The following ZFAT variants were observed in gnomAD, a reference collection of about 807,000 sequenced individuals.
ZFAT encodes zinc finger protein ZFAT.
A neutral mutation model predicts 117.7 loss-of-function variants in ZFAT; 64 were observed. The ratio of observed to expected loss-of-function variants is 0.54; its 90% CI spans 0.44 to 0.67. The LOEUF (loss-of-function observed/expected upper bound fraction) is 0.67. Among genes scored for constraint, ZFAT ranks in the 30% least tolerant of loss-of-function variants. ZFAT has a pLI of 0.00. For missense variants in ZFAT, 1,433 were observed against 1,584.5 expected (o/e 0.90, Z 1.62); for synonymous variants, 679 against 615.0 (o/e 1.10, Z -1.54).
chr8:134,593,631 G>T (rs1826688969), intron 7 of ZFAT, among the ~76,000 whole-genome samples: 1 of 152,244 alleles, frequency 6.6e-6, no homozygotes, highest in Non-Finnish European at 1.5e-5. Context: ...ATGGCCTGGG[G>T]TGCAGGGTCA....
the ZFAT span, among the ~76,000 whole-genome samples, chr8:134,778,592 C>A: frequency 6.6e-6 from 1 of 152,122 alleles, no homozygotes; most frequent in Non-Finnish European, 1.5e-5. Context: ...GCACATGTTC[C>A]AAAAAGAACA....
chr8:134,710,427 AC>A (rs1813950693), intron 1 of ZFAT, among the ~76,000 whole-genome samples: 1 of 152,206 alleles, frequency 6.6e-6, no homozygotes, highest in African/African-American at 2.4e-5. Context: ...TTGTTTCAAA[AC>A]CGCTTAGGTG....
rs554282795 is a variant in ZFAT at position 134,605,520 on chromosome 8, C to T, written c.786-2587G>A. ...CAGATCGCGCCACTGCACTCCAGCC[C>T]GGGAGACAGAGCCACAGAGCCAGAC... On this transcript the variant is annotated intron_variant, in intron 5 of 15. Transcript: ENST00000377838. Among the ~76,000 whole-genome samples the T allele has an allele frequency of 1.4e-4, 21 of 145,750 alleles. No homozygotes were observed. The South Asian group carries it at 4.3e-3, about 30-fold the overall frequency.
chr8:134,663,155 G>A, intron 1 of ZFAT, among the ~76,000 whole-genome samples: 1 of 152,198 alleles, frequency 6.6e-6, no homozygotes. Flanking sequence ...AACTGGGATT[G>A]TGCACTAAGA....
chr8:134,600,303 G>A, intron 7 of ZFAT, 133 bp downstream of exon 7: 1 of 843,270 alleles, frequency 1.2e-6, no homozygotes, highest in Non-Finnish European at 2.0e-6. Flanking sequence ...CACGTGCACA[G>A]CTGTGTAAGG....
intron 4 of ZFAT, among the ~76,000 whole-genome samples, chr8:134,609,328 A>G (rs1586810119): frequency 6.6e-6 from 1 of 152,192 alleles, no homozygotes; most frequent in East Asian, 1.9e-4. Flanking sequence ...GCTTAAAGAA[A>G]TATCAAAATA....
At chr8:134,578,605 C>A (rs976061097) in intron 10 of ZFAT, among the ~76,000 whole-genome samples, 1 of 151,968 alleles carries the variant, frequency 6.6e-6, no homozygotes, top group Non-Finnish European at 1.5e-5. Flanking sequence ...CCTTTGTTTC[C>A]ACAGGATCAC....
chr8:134,715,156 A>G (rs769915596), upstream of ZFAT, among the ~76,000 whole-genome samples: 18 of 152,300 alleles, frequency 1.2e-4, no homozygotes, highest in Admixed American at 2.6e-4. Flanking sequence ...TTGTTTATTG[A>G]TTAGCAGATG....
chr8:134,621,797 C>T (rs1168016996), intron 3 of ZFAT, among the ~76,000 whole-genome samples: 1 of 152,160 alleles, frequency 6.6e-6, no homozygotes, highest in African/African-American at 2.4e-5. Flanking sequence ...CTCTGAAGAG[C>T]CCTGGAAACA....
the ZFAT span, among the ~76,000 whole-genome samples, chr8:134,745,662 A>T: frequency 6.6e-6 from 1 of 152,242 alleles, no homozygotes; most frequent in Non-Finnish European, 1.5e-5. Flanking sequence ...CTTTTATCAG[A>T]TCATAAAAAG....
chr8:134,823,376 C>T, the ZFAT span, among the ~76,000 whole-genome samples: 1 of 152,136 alleles, frequency 6.6e-6, no homozygotes, highest in Non-Finnish European at 1.5e-5. Context: ...ATTTAAGAAG[C>T]CACTTCAAAT....
chr8:134,645,573 C>T (rs1175160883), intron 2 of ZFAT, among the ~76,000 whole-genome samples: 1 of 152,134 alleles, frequency 6.6e-6, no homozygotes, highest in East Asian at 1.9e-4. Flanking sequence ...TAAAAGTAGG[C>T]TCAATGATAA....
chr8:134,561,616 C>T (rs1387618285), intron 11 of ZFAT, among the ~76,000 whole-genome samples: 4 of 151,850 alleles, frequency 2.6e-5, no homozygotes, highest in African/African-American at 9.7e-5. Context: ...CAGGAATTTG[C>T]CCTTATTATA....
intron 1 of ZFAT, among the ~76,000 whole-genome samples, chr8:134,658,821 C>T (rs1026819553): frequency 6.6e-6 from 1 of 152,206 alleles, no homozygotes; most frequent in African/African-American, 2.4e-5. Context: ...ATTCCCAACT[C>T]GTCCCTAAAT....
intron 3 of ZFAT, among the ~76,000 whole-genome samples, chr8:134,632,302 G>A (rs1829942362): frequency 6.6e-6 from 1 of 152,120 alleles, no homozygotes; most frequent in Non-Finnish European, 1.5e-5. Context: ...TTTATTATAA[G>A]GAAATAGTAT....
chr8:134,800,421 C>G, the ZFAT span: 1 of 425,304 alleles, frequency 2.4e-6, no homozygotes, highest in Non-Finnish European at 4.7e-6. Flanking sequence ...AATGGTCTCA[C>G]ATTTCCAACA....
chr8:134,676,370 G>T (rs1394826021), intron 1 of ZFAT, among the ~76,000 whole-genome samples: 1 of 151,850 alleles, frequency 6.6e-6, no homozygotes, highest in African/African-American at 2.4e-5. Context: ...TAATGGTAAA[G>T]GGATCCATGC....
chr8:134,747,961 A>G, the ZFAT span, among the ~76,000 whole-genome samples: 1 of 152,268 alleles, frequency 6.6e-6, no homozygotes, highest in Non-Finnish European at 1.5e-5. Context: ...TATTTCTGAT[A>G]ATAAATGTGC....
the ZFAT span, among the ~76,000 whole-genome samples, chr8:134,754,122 G>A: frequency 6.6e-6 from 1 of 152,212 alleles, no homozygotes; most frequent in Non-Finnish European, 1.5e-5. Flanking sequence ...GAAAAAGGAA[G>A]AGGATTTAAA....
Sources: gnomAD v4.1 joint callset for allele counts (sites outside exome capture counted in the v4.1 genomes callset) on GRCh38, gnomAD v4.1.1 for gene constraint, MANE v1.5 for transcripts, NCBI Gene and HGNC (gene_info 2026-07-23, HGNC 2026-07-21) for gene names.